Variants in PAX5 observed in about 807,000 individuals in gnomAD.
PAX5 encodes paired box 5.
In PAX5, 9 loss-of-function variants were observed where a neutral mutation model predicts 43.7. That is an observed-to-expected ratio of 0.21 (90% CI 0.12 to 0.36). The LOEUF (loss-of-function observed/expected upper bound fraction) is 0.36. Ranked by LOEUF, PAX5 falls within the 10% of genes least tolerant of loss-of-function variation. The probability of loss-of-function intolerance (pLI) is 1.00; values close to 1 mark genes in which losing one functional copy is unlikely to be tolerated. For missense variants in PAX5, 383 were observed against 532.7 expected, an observed-to-expected ratio of 0.72 and a Z score of 2.77; for synonymous variants, 228 against 214.3, an observed-to-expected ratio of 1.06 and a Z score of -0.56.
intron 8 of PAX5, among the ~76,000 whole-genome samples, chr9:36,859,601 C>A (rs1824001506): frequency 6.6e-6 from 1 of 152,200 alleles, no homozygotes; most frequent in African/African-American, 2.4e-5. Context: ...TCCCCGGCTC[C>A]TCACCCTTCC....
At chr9:37,011,144 A>AAAAAAAAAAAAAAG (rs1564074650) in intron 3 of PAX5, among the ~76,000 whole-genome samples, 1 of 145,572 alleles carries the variant, frequency 6.9e-6, no homozygotes. Flanking sequence ...AAAAAAAAAA[A>AAAAAAAAAAAAAAG]AAAGAAAGAG....
At chr9:36,941,664 C>T (rs1024274929) in intron 6 of PAX5, among the ~76,000 whole-genome samples, 1 of 152,164 alleles carries the variant, frequency 6.6e-6, no homozygotes, top group Non-Finnish European at 1.5e-5. Context: ...TGGGCTCCCC[C>T]CTTGGCCTGT....
At chr9:36,884,747 T>G (rs374281537) in intron 7 of PAX5, among the ~76,000 whole-genome samples, 1 of 152,186 alleles carries the variant, frequency 6.6e-6, no homozygotes. Flanking sequence ...ATAAGAAAAT[T>G]GGCTCATCTC....
intron 5 of PAX5, among the ~76,000 whole-genome samples, chr9:36,997,876 A>G (rs1837522549): frequency 6.6e-6 from 1 of 152,222 alleles, no homozygotes; most frequent in Non-Finnish European, 1.5e-5. Context: ...AGGCAGCAGA[A>G]GGGAAAGACA....
At chr9:36,924,012 G>T (rs752720986) in intron 6 of PAX5, among the ~76,000 whole-genome samples, 2 of 152,140 alleles carry the variant, frequency 1.3e-5, no homozygotes, top group Non-Finnish European at 2.9e-5. Context: ...GGGGAGGAGG[G>T]CTTTACCCAC....
chr9:36,880,907 A>T (rs921509896), intron 8 of PAX5, among the ~76,000 whole-genome samples: 1 of 152,216 alleles, frequency 6.6e-6, no homozygotes, highest in Non-Finnish European at 1.5e-5. Flanking sequence ...GCCCAGAGAC[A>T]GTCAAGAGTG....
intron 1 of PAX5, among the ~76,000 whole-genome samples, chr9:37,030,777 A>G (rs1448363226): frequency 6.6e-6 from 1 of 152,142 alleles, no homozygotes; most frequent in South Asian, 2.1e-4. Flanking sequence ...GCACTGCATT[A>G]CCGTGGCTTC....
chr9:36,920,082 T>C (rs1049774580), intron 7 of PAX5, among the ~76,000 whole-genome samples: 5 of 152,134 alleles, frequency 3.3e-5, no homozygotes, highest in African/African-American at 9.7e-5. Flanking sequence ...GATGAAACTT[T>C]AGTGAATAAG....
intron 3 of PAX5, chr9:37,007,842 A>C (rs1165304410): frequency 6.6e-6 from 1 of 152,158 alleles, no homozygotes; most frequent in Non-Finnish European, 1.5e-5. Flanking sequence ...TTCTCTTAAC[A>C]AAATCAGGAT....
intron 3 of PAX5, among the ~76,000 whole-genome samples, chr9:37,006,794 G>A (rs1385981917): frequency 3.9e-5 from 6 of 152,182 alleles, no homozygotes; most frequent in Admixed American, 1.3e-4. Context: ...CCCTCTCTGG[G>A]CTTCAAGTGC....
intron 8 of PAX5, among the ~76,000 whole-genome samples, chr9:36,870,300 A>G (rs1046254442): frequency 6.6e-6 from 1 of 152,210 alleles, no homozygotes; most frequent in Non-Finnish European, 1.5e-5. Flanking sequence ...TCTACCCCAC[A>G]GCACATCATG....
intron 6 of PAX5, among the ~76,000 whole-genome samples, chr9:36,948,987 G>A (rs1232896080): frequency 6.6e-6 from 1 of 152,150 alleles, no homozygotes; most frequent in East Asian, 1.9e-4. Flanking sequence ...CCTACTATGG[G>A]CTGAACCCTC....
intron 5 of PAX5, among the ~76,000 whole-genome samples, chr9:36,979,051 GTC>G (rs1835691242): frequency 6.6e-6 from 1 of 152,208 alleles, no homozygotes; most frequent in African/African-American, 2.4e-5. Context: ...ACTGTCCACT[GTC>G]TCTGATAGAA....
chr9:36,951,488 T>C (rs1025477136), intron 6 of PAX5, among the ~76,000 whole-genome samples: 2 of 152,238 alleles, frequency 1.3e-5, no homozygotes, highest in African/African-American at 4.8e-5. Flanking sequence ...TCTTTGAGCA[T>C]ACTTTGGGCC....
intron 7 of PAX5, among the ~76,000 whole-genome samples, chr9:36,892,014 ATT>A (rs1049033509): frequency 2.6e-5 from 4 of 152,216 alleles, no homozygotes; most frequent in African/African-American, 9.6e-5. Context: ...CCTGCCTGGC[ATT>A]TTAGAGCAGA....
In PAX5 at chr9:36,882,055, G is replaced by A. The variant is rs543302698; in HGVS notation, c.961C>T (p.Pro321Ser). The A allele has an allele frequency of 8.7e-6, 14 of 1,611,954 alleles. No homozygotes were observed. The East Asian group carries it at 2.7e-4, about 31-fold the overall frequency. The change falls in exon 8 of 10, where the codon CCC becomes TCC. Residue 321 changes from proline to serine, a missense_variant. By Grantham distance (74) the Pro-to-Ser change is moderately conservative. Around this residue, in one of 5 missense-constraint regions of PAX5, gnomAD observed 291 missense variants for 342.5 expected, o/e 0.85. Coordinates refer to ENST00000358127, the MANE Select transcript of PAX5 (RefSeq NM_016734.3). The surrounding 1 kb of genome is among the most constrained non-coding windows in gnomAD (Gnocchi z 4.4). The stretch of plus-strand genomic sequence containing the variant: ...GCTGAGTAGCTGCCCTGTCCAGCGG[G>A]GGGGACGTGTGGAGGGTACCCGGGG... ...TLPGYPPHVPPAGQGSYSAPT... is the reference protein window; with the variant it reads ...TLPGYPPHVPSAGQGSYSAPT...
At chr9:36,940,759 C>T (rs1831983331) in intron 6 of PAX5, among the ~76,000 whole-genome samples, 1 of 152,094 alleles carries the variant, frequency 6.6e-6, no homozygotes, top group Non-Finnish European at 1.5e-5. Context: ...AAATCATCTC[C>T]GTCCAGGAGT....
At chr9:36,890,706 C>T (rs1051994723) in intron 7 of PAX5, among the ~76,000 whole-genome samples, 3 of 152,138 alleles carry the variant, frequency 2.0e-5, no homozygotes, top group African/African-American at 7.2e-5. Context: ...TATGGCAGTG[C>T]CTGCTCGCTG....
At chr9:36,994,945 C>T (rs1837265884) in intron 5 of PAX5, among the ~76,000 whole-genome samples, 1 of 152,182 alleles carries the variant, frequency 6.6e-6, no homozygotes, top group African/African-American at 2.4e-5. Context: ...GACCACACCC[C>T]AGCAGAACCT....
Sources: allele counts gnomAD v4.1 joint callset (sites outside exome capture counted in the v4.1 genomes callset), GRCh38; gene constraint gnomAD v4.1.1; regional missense constraint gnomAD v4.1.1; non-coding constraint Gnocchi (gnomAD v3.1); transcripts MANE v1.5; gene names NCBI Gene and HGNC (gene_info 2026-07-23, HGNC 2026-07-21).